Variants in JMJD1C observed in about 807,000 individuals in gnomAD.
JMJD1C encodes the protein jumonji domain containing 1C, also known as jumonji domain-containing protein 1C.
Under a neutral mutation model 245.3 loss-of-function variants are expected in JMJD1C, and 31 were observed. The observed-to-expected ratio is 0.13, with a 90% CI of 0.09 to 0.17. JMJD1C has a LOEUF of 0.17. Among genes scored for constraint, JMJD1C ranks in the 10% least tolerant of loss-of-function variants. The pLI is 1.00. For missense variants in JMJD1C, 2,691 were observed against 3,000.2 expected, an observed-to-expected ratio of 0.90 and a Z score of 2.41; for synonymous variants, 1,057 against 1,017.4, an observed-to-expected ratio of 1.04 and a Z score of -0.74.
chr10:63,441,121 G>GT (rs1951358955), intron 1 of JMJD1C, among the ~76,000 whole-genome samples: 2 of 152,172 alleles, frequency 1.3e-5, no homozygotes, highest in Non-Finnish European at 2.9e-5. Flanking sequence ...GAAAAAGGCC[G>GT]TGTGTAAAAC....
chr10:63,260,113 A>T (rs150217378), intron 3 of JMJD1C, among the ~76,000 whole-genome samples: 1 of 152,184 alleles, frequency 6.6e-6, no homozygotes, highest in Admixed American at 6.5e-5. Flanking sequence ...AAAACACCTC[A>T]TTACTACAAT....
intron 3 of JMJD1C, among the ~76,000 whole-genome samples, chr10:63,247,151 T>TA (rs1852329874): frequency 6.8e-6 from 1 of 147,440 alleles, no homozygotes; most frequent in Admixed American, 6.7e-5. Flanking sequence ...AAGAAAATTT[T>TA]AAAAAAATGA....
intron 1 of JMJD1C, among the ~76,000 whole-genome samples, chr10:63,478,977 A>G (rs1953746681): frequency 6.6e-6 from 1 of 152,186 alleles, no homozygotes; most frequent in Non-Finnish European, 1.5e-5. Context: ...AAACAAATGA[A>G]CAAAAACCAC....
intron 1 of JMJD1C, among the ~76,000 whole-genome samples, chr10:63,423,548 A>G (rs777998201): frequency 6.6e-6 from 1 of 152,164 alleles, no homozygotes; most frequent in African/African-American, 2.4e-5. Context: ...TTATTTATCA[A>G]TTCCTCTGTT....
chr10:63,448,552 T>G (rs562942528), intron 1 of JMJD1C, among the ~76,000 whole-genome samples: 2 of 152,292 alleles, frequency 1.3e-5, no homozygotes, highest in African/African-American at 4.8e-5. Flanking sequence ...TGTTATTTCC[T>G]CAACCCTATC....
intron 1 of JMJD1C, among the ~76,000 whole-genome samples, chr10:63,517,845 T>C (rs1224148836): frequency 2.2e-5 from 3 of 138,516 alleles, no homozygotes; most frequent in African/African-American, 8.3e-5. Context: ...CAAGCTGGAG[T>C]GCAGTGGTGC....
chr10:63,444,865 A>G (rs1398867377), intron 1 of JMJD1C, among the ~76,000 whole-genome samples: 3 of 152,202 alleles, frequency 2.0e-5, no homozygotes, highest in African/African-American at 4.8e-5. Context: ...AAAGCTGATA[A>G]AAGTCCATTT....
intron 1 of JMJD1C, among the ~76,000 whole-genome samples, chr10:63,423,015 A>C (rs957287941): frequency 2.7e-5 from 4 of 150,674 alleles, no homozygotes; most frequent in African/African-American, 9.8e-5. Flanking sequence ...CCCAGGCTGG[A>C]GTGCAATGGC....
chr10:63,411,897 C>G (rs926772162), intron 1 of JMJD1C, among the ~76,000 whole-genome samples: 4 of 150,128 alleles, frequency 2.7e-5, no homozygotes, highest in Non-Finnish European at 4.4e-5. Flanking sequence ...GCCACAGCGC[C>G]TGGCCCAATT....
intron 22 of JMJD1C, among the ~76,000 whole-genome samples, chr10:63,181,573 C>T (rs1843485808): frequency 6.6e-6 from 1 of 152,026 alleles, no homozygotes; most frequent in Non-Finnish European, 1.5e-5. Flanking sequence ...GCTTTGTGAC[C>T]ACCTATAAAA....
At chr10:63,398,743 G>A (rs567578274) in intron 1 of JMJD1C, among the ~76,000 whole-genome samples, 4 of 152,056 alleles carry the variant, frequency 2.6e-5, no homozygotes, top group South Asian at 2.1e-4. Context: ...TCCCAGGTTC[G>A]AGCGATTCTC....
At chr10:63,399,741 G>A (rs1204436708) in intron 1 of JMJD1C, among the ~76,000 whole-genome samples, 2 of 150,752 alleles carry the variant, frequency 1.3e-5, no homozygotes, top group Non-Finnish European at 2.9e-5. Flanking sequence ...ATGCCACTTA[G>A]GCTTCTGTTT....
chr10:63,361,738 A>AAAG (rs1554902622), intron 2 of JMJD1C, among the ~76,000 whole-genome samples: 1 of 150,516 alleles, frequency 6.6e-6, no homozygotes, highest in African/African-American at 2.4e-5. Context: ...AAAAAAAAAA[A>AAAG]AAAAAAAAAG....
At chr10:63,257,438 G>A (rs548010425) in intron 3 of JMJD1C, among the ~76,000 whole-genome samples, 5 of 152,126 alleles carry the variant, frequency 3.3e-5, no homozygotes, top group East Asian at 1.9e-4. Context: ...GGCTTGATTC[G>A]TTTAATGTTG....
intron 1 of JMJD1C, among the ~76,000 whole-genome samples, chr10:63,510,691 G>C (rs1954848487): frequency 6.6e-6 from 1 of 152,170 alleles, no homozygotes; most frequent in African/African-American, 2.4e-5. Flanking sequence ...GTCTATAGAT[G>C]TCAATTATAC....
At chr10:63,231,903 T>TCA (rs1428568842) in intron 3 of JMJD1C, among the ~76,000 whole-genome samples, 20 of 152,280 alleles carry the variant, frequency 1.3e-4, no homozygotes, top group African/African-American at 3.4e-4. Context: ...AATGGTGTGA[T>TCA]CACAGCTCAC....
intron 2 of JMJD1C, among the ~76,000 whole-genome samples, chr10:63,344,744 AT>A (rs1369331323): frequency 1.3e-5 from 2 of 152,124 alleles, no homozygotes; most frequent in African/African-American, 2.4e-5. Context: ...CAAAAAAAAA[AT>A]AGACGGTAAA....
chr10:63,512,825 T>A (rs1954911118), intron 1 of JMJD1C, among the ~76,000 whole-genome samples: 6 of 152,188 alleles, frequency 3.9e-5, no homozygotes, highest in Admixed American at 3.9e-4. Flanking sequence ...TTATGTATAT[T>A]TTGCACCTTT....
At chr10:63,297,597 A>G (rs1859597569) in intron 2 of JMJD1C, among the ~76,000 whole-genome samples, 1 of 152,140 alleles carries the variant, frequency 6.6e-6, no homozygotes, top group African/African-American at 2.4e-5. Flanking sequence ...ATGCTCCCAG[A>G]TTGTGAAAGT....
Sources: gnomAD v4.1 joint callset for allele counts (sites outside exome capture counted in the v4.1 genomes callset) on GRCh38, gnomAD v4.1.1 for gene constraint, MANE v1.5 for transcripts, NCBI Gene and HGNC (gene_info 2026-07-23, HGNC 2026-07-21) for gene names.